SIRPG: variants seen among roughly 807,000 people sequenced by gnomAD.
The protein encoded by SIRPG is signal-regulatory protein gamma.
SIRPG carries 38 observed loss-of-function variants against 35.7 expected under a neutral mutation model. The ratio of observed to expected loss-of-function variants is 1.06; its 90% CI spans 0.82 to 1.40. The LOEUF (loss-of-function observed/expected upper bound fraction) is 1.40. SIRPG is among the 40% of genes most tolerant of loss of function. SIRPG has a pLI of 0.00. For synonymous variants in SIRPG, 215 were observed against 190.4 expected (o/e 1.13, Z -1.06); for missense variants, 519 against 483.0 (o/e 1.07, Z -0.70).
chr20:1,657,018 G>A (rs538266592), intron 1 of SIRPG, among the ~76,000 whole-genome samples: 34 of 152,210 alleles, frequency 2.2e-4, no homozygotes, highest in Non-Finnish European at 4.1e-4. Context: ...GGTCACTGGC[G>A]GGGAGCCTTA....
In SIRPG at chr20:1,635,557, C is replaced by G; in HGVS notation, c.791G>C (p.Gly264Ala). 6.2e-7 allele frequency: 1 copy of G among 1,614,160 alleles called. No individual in the cohort carries two copies. The highest frequency in any genetic ancestry group is 8.5e-7 in the Non-Finnish European group (1 of 1,180,010). The change falls in exon 4 of 6, where the codon GGG becomes GCG. Residue 264 changes from glycine to alanine, a missense_variant. Coordinates refer to ENST00000303415, the MANE Select transcript of SIRPG (RefSeq NM_018556.4). ...LEVTQQPMRVGNQVNVTCQVR... is the reference protein window; with the variant it reads ...LEVTQQPMRVANQVNVTCQVR... ...CTGGCAGGTGACGTTTACCTGGTTC[C>G]CCACCCTCATGGGCTGTTGAGTAAC...
rs777567864 is a variant in SIRPG at position 1,631,041 on chromosome 20, CT to C, written c.1082-736del. Reference sequence around the variant, plus strand: ...AGTGCAGGTGTCATCTGAAATCTTTCTGTTAGTTGGGCACACTCAGTTACGG... The same window carrying C: ...AGTGCAGGTGTCATCTGAAATCTTTCGTTAGTTGGGCACACTCAGTTACGG... On this transcript the variant is annotated intron_variant, in intron 4 of 5. Coordinates refer to ENST00000303415, the MANE Select transcript of SIRPG (RefSeq NM_018556.4). 1.2e-3 allele frequency among the ~76,000 whole-genome samples: 177 copies of C among 152,266 alleles called. 1 individual carries two copies. The highest frequency in any genetic ancestry group is 3.4e-3 in the Middle Eastern group (1 of 294).
chr20:1,668,784 A>C, the SIRPG span, among the ~76,000 whole-genome samples: 1 of 152,238 alleles, frequency 6.6e-6, no homozygotes. Context: ...CAATCATCAG[A>C]TCACCCAGGA....
the SIRPG span, among the ~76,000 whole-genome samples, chr20:1,667,523 G>A: frequency 6.6e-6 from 1 of 152,186 alleles, no homozygotes; most frequent in Non-Finnish European, 1.5e-5. Flanking sequence ...TGAAAGTTAT[G>A]TGCAGAATAG....
chr20:1,630,154 C>T, intron 5 of SIRPG, 68 bp downstream of exon 5: 1 of 1,208,940 alleles, frequency 8.3e-7, no homozygotes, highest in East Asian at 2.6e-5. Flanking sequence ...GGCATGTGGG[C>T]TGGGCCTTCC....
the SIRPG span, among the ~76,000 whole-genome samples, chr20:1,668,147 C>T: frequency 2.0e-5 from 2 of 101,008 alleles, no homozygotes; most frequent in Admixed American, 1.0e-4. Flanking sequence ...CTTTTCTTTT[C>T]TTTTTTTCTT....
At chr20:1,635,743 C>CAG in intron 3 of SIRPG, 144 bp from the exon 4 acceptor site, 1 of 867,266 alleles carries the variant, frequency 1.2e-6, no homozygotes. Context: ...ATTGAGGGCG[C>CAG]TCTTTGCATA....
chr20:1,634,799 T>C lies in SIRPG; in HGVS notation c.1081+468A>G, dbSNP rs1414013276. 5.3e-5 allele frequency among the ~76,000 whole-genome samples: 8 copies of C among 152,036 alleles called. No homozygotes were observed. In the East Asian group the frequency reaches 1.4e-3, roughly 26 times the overall value. The stretch of plus-strand genomic sequence containing the variant: ...TGGCTCACGCCTGTAATCCCAGCAC[T>C]TTGGGAGGCTGAGGCGGGCGGATCA... On this transcript the variant is annotated intron_variant, in intron 4 of 5. Transcript: ENST00000303415.
At chr20:1,677,682 G>A in the SIRPG span, among the ~76,000 whole-genome samples, 3 of 152,154 alleles carry the variant, frequency 2.0e-5, no homozygotes, top group African/African-American at 7.2e-5. Flanking sequence ...GAATTCAGAA[G>A]CCCAAAATTG....
chr20:1,671,662 C>A, the SIRPG span, among the ~76,000 whole-genome samples: 2 of 152,194 alleles, frequency 1.3e-5, no homozygotes, highest in Non-Finnish European at 2.9e-5. Flanking sequence ...GATTTACCCA[C>A]ATATGTATTG....
intron 2 of SIRPG, among the ~76,000 whole-genome samples, chr20:1,644,241 G>C (rs2091879691): frequency 6.6e-6 from 1 of 152,012 alleles, no homozygotes; most frequent in African/African-American, 2.4e-5. Flanking sequence ...AGGGAGATCA[G>C]AGTTCTGTCC....
intron 2 of SIRPG, among the ~76,000 whole-genome samples, chr20:1,648,733 G>A (rs896985722): frequency 1.3e-5 from 2 of 152,200 alleles, no homozygotes; most frequent in African/African-American, 4.8e-5. Flanking sequence ...TTCTGGCCCC[G>A]TACCTGGGCA....
chr20:1,639,202 T>C (rs1266793218), intron 2 of SIRPG, among the ~76,000 whole-genome samples: 1 of 152,204 alleles, frequency 6.6e-6, no homozygotes, highest in Non-Finnish European at 1.5e-5. Flanking sequence ...CCACACTGTC[T>C]TCCACAATCG....
At chr20:1,635,124 C>T (rs530396365) in intron 4 of SIRPG, 143 bp downstream of exon 4, 24 of 631,326 alleles carry the variant, frequency 3.8e-5, no homozygotes, top group Admixed American at 1.8e-4. Context: ...CATGACTCTT[C>T]GCATGTGGGA....
chr20:1,641,610 T>G (rs1054833640), intron 2 of SIRPG, among the ~76,000 whole-genome samples: 7 of 152,170 alleles, frequency 4.6e-5, no homozygotes, highest in African/African-American at 1.2e-4. Flanking sequence ...CTTCAGTTCG[T>G]TTCTGATCTT....
At chr20:1,650,058 A>G (rs2091930628) in intron 1 of SIRPG, among the ~76,000 whole-genome samples, 2 of 141,758 alleles carry the variant, frequency 1.4e-5, no homozygotes, top group Non-Finnish European at 3.0e-5. Context: ...ATTTTTATAT[A>G]TTTTATATAT....
rs534410948 is a variant in SIRPG at position 1,654,876 on chromosome 20, G to A, written c.73+2766C>T. 3.9e-5 allele frequency among the ~76,000 whole-genome samples: 6 copies of A among 152,154 alleles called. No homozygotes were observed. The East Asian group carries it at 9.7e-4, about 24-fold the overall frequency. On this transcript the variant is annotated intron_variant, in intron 1 of 5. Coordinates refer to ENST00000303415, the MANE Select transcript of SIRPG (RefSeq NM_018556.4). ...CTATTAAAATATGGGCCAAAGATCC[G>A]AATAGACATTTCTCAGAAGAAGACA...
At chr20:1,635,228 GA>G (rs1396873264) in intron 4 of SIRPG, 38 bp downstream of exon 4, 15 of 1,512,528 alleles carry the variant, frequency 9.9e-6, no homozygotes, top group Non-Finnish European at 1.3e-5. Context: ...TTTAAAATGA[GA>G]GAAAAAGACA....
chr20:1,643,077 G>C (rs1336142939), intron 2 of SIRPG, among the ~76,000 whole-genome samples: 1 of 152,116 alleles, frequency 6.6e-6, no homozygotes, highest in Non-Finnish European at 1.5e-5. Flanking sequence ...GAGTATCTTA[G>C]TGGTGTTTTC....
Sources: allele counts gnomAD v4.1 joint callset (sites outside exome capture counted in the v4.1 genomes callset), GRCh38; gene constraint gnomAD v4.1.1; transcripts MANE v1.5; gene names NCBI Gene and HGNC (gene_info 2026-07-23, HGNC 2026-07-21).